ADAMTSL1: variants seen among roughly 807,000 people sequenced by gnomAD.
ADAMTSL1 encodes ADAMTS like 1, also known as ADAMTS-like protein 1.
Under a neutral mutation model 201.8 loss-of-function variants are expected in ADAMTSL1, and 126 were observed. The ratio of observed to expected loss-of-function variants is 0.62; its 90% CI spans 0.54 to 0.72. ADAMTSL1 has a LOEUF of 0.72. ADAMTSL1 is among the 30% of genes least tolerant of loss of function. ADAMTSL1 has a pLI of 0.00. For synonymous variants in ADAMTSL1, 1,121 were observed against 903.4 expected, an observed-to-expected ratio of 1.24 and a Z score of -4.32; for missense variants, 2,679 against 2,277.8, an observed-to-expected ratio of 1.18 and a Z score of -3.59.
At position 18,000,054 on chromosome 9, in the gene ADAMTSL1, G is replaced by A. The variant is rs377626159; in HGVS notation, c.87+93132G>A. Among the ~76,000 whole-genome samples, 16 of 148,320 alleles carry A rather than the reference G, an allele frequency of 1.1e-4. No homozygotes were observed. In the South Asian group the frequency reaches 2.2e-3, roughly 20 times the overall value. ...AGTCTTTGCTATTGTGAATAATGCC[G>A]CAATAAACATACGTGTGCATGTGTC... On this transcript the variant is annotated intron_variant, in intron 1 of 29. Transcript: ENST00000680146.
At chr9:18,477,901 A>G (rs1031346684) in intron 1 of ADAMTSL1, among the ~76,000 whole-genome samples, 2 of 152,166 alleles carry the variant, frequency 1.3e-5, no homozygotes, top group African/African-American at 2.4e-5. Context: ...AGAGTGTCCA[A>G]TAGTGGTCAC....
At chr9:18,777,998 C>T (rs1588093138) in intron 19 of ADAMTSL1, 92 bp downstream of exon 19, 1 of 1,477,972 alleles carries the variant, frequency 6.8e-7, no homozygotes, top group Non-Finnish European at 9.0e-7. Context: ...AAGGTGTTTC[C>T]AGGGGTAGGG....
intron 23 of ADAMTSL1, among the ~76,000 whole-genome samples, chr9:18,861,237 T>C (rs1827196908): frequency 6.6e-6 from 1 of 152,220 alleles, no homozygotes; most frequent in Non-Finnish European, 1.5e-5. Flanking sequence ...CTTCATGCAA[T>C]GTGAGTGCTA....
intron 2 of ADAMTSL1, among the ~76,000 whole-genome samples, chr9:18,452,325 G>T (rs980506609): frequency 6.6e-6 from 1 of 152,126 alleles, no homozygotes; most frequent in Admixed American, 6.5e-5. Context: ...CCTCTTAAAA[G>T]TTCAACCTCT....
intron 4 of ADAMTSL1, among the ~76,000 whole-genome samples, chr9:18,613,096 G>A (rs1018461699): frequency 2.0e-5 from 3 of 152,030 alleles, no homozygotes; most frequent in African/African-American, 7.2e-5. Flanking sequence ...TGTGACCAAA[G>A]AGCATATGGA....
chr9:18,568,777 T>C (rs1053029398), intron 3 of ADAMTSL1, among the ~76,000 whole-genome samples: 1 of 151,734 alleles, frequency 6.6e-6, no homozygotes, highest in Admixed American at 6.6e-5. Context: ...CTGAATATGA[T>C]TTCCAAGGTT....
chr9:18,190,089 A>C (rs1371782256), intron 2 of ADAMTSL1, among the ~76,000 whole-genome samples: 1 of 152,226 alleles, frequency 6.6e-6, no homozygotes, highest in African/African-American at 2.4e-5. Context: ...GGGATCCAGC[A>C]CTGCACATTG....
At chr9:18,231,964 C>T (rs920482977) in intron 2 of ADAMTSL1, among the ~76,000 whole-genome samples, 1 of 152,180 alleles carries the variant, frequency 6.6e-6, no homozygotes. Context: ...TCCATGCTTC[C>T]ATCCTCACCT....
At chr9:18,310,341 C>G (rs1834083209) in intron 2 of ADAMTSL1, among the ~76,000 whole-genome samples, 1 of 74,478 alleles carries the variant, frequency 1.3e-5, no homozygotes, top group East Asian at 4.7e-4. Context: ...CATATCGGAT[C>G]TAATTAAACT....
chr9:18,889,888 G>A, intron 25 of ADAMTSL1, 140 bp downstream of exon 25: 1 of 820,880 alleles, frequency 1.2e-6, no homozygotes, highest in Non-Finnish European at 1.7e-6. Flanking sequence ...CTAGGCACAG[G>A]CTTATCAGGC....
chr9:18,817,736 C>G (rs994475134), intron 21 of ADAMTSL1, among the ~76,000 whole-genome samples: 1 of 152,062 alleles, frequency 6.6e-6, no homozygotes, highest in African/African-American at 2.4e-5. Flanking sequence ...GACAGAAAGG[C>G]CAAGTAAGAC....
intron 2 of ADAMTSL1, among the ~76,000 whole-genome samples, chr9:18,300,465 G>T (rs975768556): frequency 2.6e-5 from 4 of 151,500 alleles, no homozygotes; most frequent in African/African-American, 9.7e-5. Flanking sequence ...CTGTCAGGGG[G>T]AGGGGGGCTG....
chr9:18,367,375 ATT>A (rs34948243), intron 2 of ADAMTSL1, among the ~76,000 whole-genome samples: 140 of 148,606 alleles, frequency 9.4e-4, no homozygotes, highest in East Asian at 4.4e-3. Flanking sequence ...AGAAGATAAG[ATT>A]TTTTTTTTTT....
chr9:18,853,919 G>GTGTGTGTGTGCA (rs1554648756), intron 23 of ADAMTSL1, among the ~76,000 whole-genome samples: 20 of 49,890 alleles, frequency 4.0e-4, no homozygotes, highest in Non-Finnish European at 6.5e-4. Context: ...GTGTGTGTGT[G>GTGTGTGTGTGCA]CGCGTGCATG....
chr9:18,573,980 T>TG, intron 3 of ADAMTSL1, 50 bp from the exon 4 acceptor site: 1 of 1,483,432 alleles, frequency 6.7e-7, no homozygotes, highest in African/African-American at 1.4e-5. Context: ...GTTTCATGTT[T>TG]GGGGGTATCC....
chr9:18,761,367 G>A (rs574931404), intron 16 of ADAMTSL1, among the ~76,000 whole-genome samples: 8 of 152,122 alleles, frequency 5.3e-5, no homozygotes. Context: ...TTTGTGTAGA[G>A]ACGTAATTGT....
intron 2 of ADAMTSL1, among the ~76,000 whole-genome samples, chr9:18,461,356 T>A (rs1212256803): frequency 2.0e-5 from 3 of 152,170 alleles, no homozygotes; most frequent in African/African-American, 7.2e-5. Flanking sequence ...ATGTAATTTT[T>A]TTAACATTTA....
chr9:18,412,374 A>C (rs983333775), intron 2 of ADAMTSL1, among the ~76,000 whole-genome samples: 1 of 152,206 alleles, frequency 6.6e-6, no homozygotes, highest in Non-Finnish European at 1.5e-5. Context: ...TAATGGTTTT[A>C]GCATCCATCT....
intron 2 of ADAMTSL1, among the ~76,000 whole-genome samples, chr9:18,428,894 G>A (rs573630315): frequency 6.6e-6 from 1 of 152,242 alleles, no homozygotes; most frequent in African/African-American, 2.4e-5. Context: ...TTCAAAAACT[G>A]AGCAGATTAG....
Sources: gnomAD v4.1 joint callset for allele counts (sites outside exome capture counted in the v4.1 genomes callset) on GRCh38, gnomAD v4.1.1 for gene constraint, MANE v1.5 for transcripts, NCBI Gene and HGNC (gene_info 2026-07-23, HGNC 2026-07-21) for gene names.